Variants in ZNF385B observed in about 807,000 individuals in gnomAD.
The protein encoded by ZNF385B is zinc finger protein 533.
A neutral mutation model predicts 39.2 loss-of-function variants in ZNF385B; 23 were observed. That is an observed-to-expected ratio of 0.59 (90% CI 0.42 to 0.83). The LOEUF (loss-of-function observed/expected upper bound fraction) is 0.83. Ranked by LOEUF, ZNF385B falls within the 40% of genes least tolerant of loss-of-function variation. The pLI is 0.00. For synonymous variants in ZNF385B, 205 were observed against 222.6 expected (o/e 0.92, Z 0.70); for missense variants, 552 against 598.9 (o/e 0.92, Z 0.82).
intron 3 of ZNF385B, among the ~76,000 whole-genome samples, chr2:179,716,274 T>C (rs1238639049): frequency 1.3e-5 from 2 of 152,206 alleles, no homozygotes; most frequent in Admixed American, 1.3e-4. Flanking sequence ...GCTTAAATAA[T>C]GGTTTTCATA....
intron 3 of ZNF385B, among the ~76,000 whole-genome samples, chr2:179,733,052 C>A (rs1265332194): frequency 6.6e-6 from 1 of 152,182 alleles, no homozygotes; most frequent in South Asian, 2.1e-4. Context: ...GAGGGACATT[C>A]AGATGACTAT....
At chr2:179,822,692 T>A (rs1707471758) in intron 1 of ZNF385B, among the ~76,000 whole-genome samples, 1 of 152,076 alleles carries the variant, frequency 6.6e-6, no homozygotes, top group Non-Finnish European at 1.5e-5. Context: ...AACCTACACA[T>A]CTCCCCCTTA....
chr2:179,489,199 T>C (rs929154957), intron 5 of ZNF385B, among the ~76,000 whole-genome samples: 3 of 152,218 alleles, frequency 2.0e-5, no homozygotes, highest in Non-Finnish European at 4.4e-5. Flanking sequence ...CAACATGTGC[T>C]AGGGCACTGA....
chr2:179,808,135 C>T (rs1357195102), intron 1 of ZNF385B, among the ~76,000 whole-genome samples: 1 of 151,854 alleles, frequency 6.6e-6, no homozygotes, highest in African/African-American at 2.4e-5. Flanking sequence ...CAGGTTCACG[C>T]CATTCTCCTG....
chr2:179,502,462 TTGC>T (rs2056853448), intron 5 of ZNF385B, among the ~76,000 whole-genome samples: 1 of 152,134 alleles, frequency 6.6e-6, no homozygotes, highest in South Asian at 2.1e-4. Context: ...GACTTCTCCT[TTGC>T]TGTTCTTATG....
chr2:179,738,004 A>G (rs1277013428), intron 3 of ZNF385B, among the ~76,000 whole-genome samples: 1 of 152,350 alleles, frequency 6.6e-6, no homozygotes, highest in East Asian at 1.9e-4. Flanking sequence ...TAGAGTCTGA[A>G]GTTAGAAGAT....
At chr2:179,655,729 C>G (rs1159815385) in intron 3 of ZNF385B, among the ~76,000 whole-genome samples, 1 of 152,074 alleles carries the variant, frequency 6.6e-6, no homozygotes, top group African/African-American at 2.4e-5. Context: ...TATTTCCTTT[C>G]AATTAACTCA....
intron 3 of ZNF385B, among the ~76,000 whole-genome samples, chr2:179,728,933 A>C (rs1002547875): frequency 1.3e-5 from 2 of 152,058 alleles, no homozygotes; most frequent in African/African-American, 4.8e-5. Context: ...AATTTTTCTT[A>C]AATCCAACTC....
At chr2:179,752,594 CT>C (rs1441454263) in intron 3 of ZNF385B, among the ~76,000 whole-genome samples, 1 of 152,174 alleles carries the variant, frequency 6.6e-6, no homozygotes, top group Non-Finnish European at 1.5e-5. Context: ...TCTCCAGCAC[CT>C]GTTGTTTCCT....
intron 3 of ZNF385B, among the ~76,000 whole-genome samples, chr2:179,574,307 C>G (rs757688314): frequency 1.9e-4 from 29 of 152,112 alleles, no homozygotes; most frequent in Admixed American, 1.3e-4. Flanking sequence ...GAGTATTGTA[C>G]TTGCTCAGAA....
intron 1 of ZNF385B, among the ~76,000 whole-genome samples, chr2:179,797,450 G>A (rs1311710328): frequency 1.3e-5 from 2 of 152,100 alleles, no homozygotes; most frequent in Non-Finnish European, 2.9e-5. Context: ...CAAATAACCA[G>A]TCAGTGTTTA....
At chr2:179,570,189 T>G (rs1016857904) in intron 3 of ZNF385B, among the ~76,000 whole-genome samples, 1 of 152,104 alleles carries the variant, frequency 6.6e-6, no homozygotes, top group Non-Finnish European at 1.5e-5. Flanking sequence ...TCTGCTGCCC[T>G]GACCCATCCC....
At chr2:179,534,090 A>G (rs555480059) in intron 4 of ZNF385B, among the ~76,000 whole-genome samples, 1 of 152,322 alleles carries the variant, frequency 6.6e-6, no homozygotes, top group Admixed American at 6.5e-5. Context: ...GTGATCTTTA[A>G]GTATGCTCTA....
At chr2:179,795,297 G>A (rs939360919) in intron 1 of ZNF385B, among the ~76,000 whole-genome samples, 7 of 152,080 alleles carry the variant, frequency 4.6e-5, no homozygotes, top group African/African-American at 1.4e-4. Context: ...GAACTGTTGG[G>A]AAAAGTTAGA....
intron 3 of ZNF385B, among the ~76,000 whole-genome samples, chr2:179,671,139 G>T (rs969892765): frequency 6.6e-6 from 1 of 152,212 alleles, no homozygotes; most frequent in African/African-American, 2.4e-5. Context: ...TAAAAACTTT[G>T]TCTATTTGAG....
intron 3 of ZNF385B, among the ~76,000 whole-genome samples, chr2:179,690,300 C>T (rs925242988): frequency 1.4e-4 from 22 of 152,108 alleles, no homozygotes; most frequent in African/African-American, 5.3e-4. Flanking sequence ...TCGGAGCTAG[C>T]TTCACGGAAA....
intron 1 of ZNF385B, among the ~76,000 whole-genome samples, chr2:179,827,948 A>G (rs2106592296): frequency 6.6e-6 from 1 of 152,276 alleles, no homozygotes; most frequent in South Asian, 2.1e-4. Flanking sequence ...TAAACTTCCT[A>G]TAAATGCAGT....
intron 3 of ZNF385B, among the ~76,000 whole-genome samples, chr2:179,756,718 T>A (rs1483501242): frequency 6.6e-6 from 1 of 152,238 alleles, no homozygotes; most frequent in Non-Finnish European, 1.5e-5. Context: ...CTTCATTTCA[T>A]TCATTTGATC....
At chr2:179,493,684 TAC>T (rs1380309177) in intron 5 of ZNF385B, among the ~76,000 whole-genome samples, 1 of 106,878 alleles carries the variant, frequency 9.4e-6, no homozygotes, top group Non-Finnish European at 2.1e-5. Flanking sequence ...CATATACATA[TAC>T]ACATATATAC....
Sources: gnomAD v4.1 joint callset for allele counts (sites outside exome capture counted in the v4.1 genomes callset) on GRCh38, gnomAD v4.1.1 for gene constraint, MANE v1.5 for transcripts, NCBI Gene and HGNC (gene_info 2026-07-23, HGNC 2026-07-21) for gene names.